The following TBL1X variants were observed in gnomAD, a reference collection of about 807,000 sequenced individuals.
TBL1X encodes transducin beta like 1 X-linked.
Under a neutral mutation model 50.7 loss-of-function variants are expected in TBL1X, and 10 were observed. That is an observed-to-expected ratio of 0.20 (90% CI 0.12 to 0.33). The LOEUF (loss-of-function observed/expected upper bound fraction) is 0.33, where lower values mean the gene tolerates loss of function less well. Ranked by LOEUF, TBL1X falls within the 10% of genes least tolerant of loss-of-function variation. The probability of loss-of-function intolerance (pLI) is 1.00; values close to 1 mark genes in which losing one functional copy is unlikely to be tolerated. For synonymous variants in TBL1X, 190 were observed against 214.7 expected, an observed-to-expected ratio of 0.88 and a Z score of 1.01; for missense variants, 340 against 504.4, an observed-to-expected ratio of 0.67 and a Z score of 3.12.
At chrX:9,463,735 A>C (rs997472849), upstream of TBL1X, among the ~76,000 whole-genome samples, 53 of 111,548 alleles carry the variant, frequency 4.8e-4, no homozygotes, top group African/African-American at 1.7e-3. Flanking sequence ...TACTAAAAAT[A>C]CAAAAAAAAT....
At chrX:9,523,482 C>G (rs1224320056) in intron 2 of TBL1X, among the ~76,000 whole-genome samples, 2 of 112,164 alleles carry the variant, frequency 1.8e-5, no homozygotes, top group Non-Finnish European at 3.8e-5. Flanking sequence ...ACGCCACTCA[C>G]ACTGGGTCAT....
intron 1 of TBL1X, among the ~76,000 whole-genome samples, chrX:9,491,325 TATATATATA>T (rs1569205474): frequency 2.2e-4 from 7 of 31,875 alleles, no homozygotes; most frequent in African/African-American, 8.2e-4. Flanking sequence ...TATATATATA[TATATATATA>T]TATATTTTTT....
At chrX:9,517,045 T>C (rs982698799) in intron 2 of TBL1X, among the ~76,000 whole-genome samples, 2 of 111,712 alleles carry the variant, frequency 1.8e-5, no homozygotes, top group Non-Finnish European at 3.8e-5. Context: ...CTGAGTACTA[T>C]ACAGTCTCTG....
intron 2 of TBL1X, among the ~76,000 whole-genome samples, chrX:9,576,125 C>A (rs932142564): frequency 6.2e-5 from 7 of 112,088 alleles, no homozygotes; most frequent in African/African-American, 2.3e-4. Flanking sequence ...ATATTCCCCC[C>A]CCTCCTCCCA....
chrX:9,688,499 G>A (rs925350522), intron 7 of TBL1X, among the ~76,000 whole-genome samples: 5 of 112,257 alleles, frequency 4.5e-5, no homozygotes, highest in African/African-American at 1.6e-4. Context: ...TTAGGAAATC[G>A]TGCTGCGCCT....
chrX:9,523,584 C>G (rs1265656476), intron 2 of TBL1X, among the ~76,000 whole-genome samples: 1 of 112,589 alleles, frequency 8.9e-6, no homozygotes, highest in Non-Finnish European at 1.9e-5. Context: ...TCTTGATGCT[C>G]AAGACTCTCT....
intron 5 of TBL1X, among the ~76,000 whole-genome samples, chrX:9,671,285 G>A (rs772847820): frequency 8.8e-6 from 1 of 113,168 alleles, no homozygotes; most frequent in Non-Finnish European, 1.9e-5. Flanking sequence ...TGGAGTTACA[G>A]AGAAGCTGTT....
At position 9,491,318 on chromosome X, in the gene TBL1X, ATATATATATATATATATATATT is replaced by A. The variant is rs1277438033; in HGVS notation, c.-200-10460_-200-10439del. ...TTGGCCAGTATATTTATATATATATATATATATATATATATATATATTTTTTTTTTTTTTTTCTTTGAGACAG... is the reference window on the plus strand; with the variant it reads ...TTGGCCAGTATATTTATATATATATATTTTTTTTTTTTTTCTTTGAGACAG... On this transcript the variant is annotated intron_variant, in intron 1 of 17. Coordinates refer to ENST00000645353, the MANE Select transcript of TBL1X (RefSeq NM_005647.4). Among the ~76,000 whole-genome samples, 15 of 31,493 alleles carry A rather than the reference ATATATATATATATATATATATT, an allele frequency of 4.8e-4. No homozygotes were observed. In the Admixed American group the frequency reaches 6.1e-3, roughly 13 times the overall value. 27.3% of individuals were successfully genotyped at this position (31,493 alleles called of 115,157 possible).
intron 2 of TBL1X, among the ~76,000 whole-genome samples, chrX:9,529,943 G>C (rs1249226291): frequency 9.1e-6 from 1 of 110,476 alleles, no homozygotes; most frequent in Non-Finnish European, 1.9e-5. Context: ...CTCAAAGAAA[G>C]AAAGAGAGAG....
At chrX:9,622,398 G>A (rs186493233) in intron 2 of TBL1X, among the ~76,000 whole-genome samples, 22 of 110,407 alleles carry the variant, frequency 2.0e-4, no homozygotes, top group African/African-American at 5.6e-4. Context: ...CTTTCATATC[G>A]GGCATATTTC....
intron 2 of TBL1X, among the ~76,000 whole-genome samples, chrX:9,538,218 T>TTTTTCCACTGTCTTCAAAAGCCCGGGTC (rs1490673978): frequency 9.0e-6 from 1 of 111,455 alleles, no homozygotes; most frequent in Non-Finnish European, 1.9e-5. Flanking sequence ...ATGTCTGGGT[T>TTTTTCCACTGTCTTCAAAAGCCCGGGTC]TTTTCCACTG....
intron 2 of TBL1X, among the ~76,000 whole-genome samples, chrX:9,576,324 A>G (rs1203890349): frequency 8.9e-6 from 1 of 112,458 alleles, no homozygotes; most frequent in Non-Finnish European, 1.9e-5. Flanking sequence ...AGGCAGCATA[A>G]CATCTAGGAA....
At chrX:9,627,471 A>G (rs1390082832) in intron 2 of TBL1X, among the ~76,000 whole-genome samples, 1 of 112,194 alleles carries the variant, frequency 8.9e-6, no homozygotes, top group Non-Finnish European at 1.9e-5. Context: ...GTCAGGAAAA[A>G]AGTATCATAG....
At chrX:9,699,132 C>A (rs764039277) in intron 12 of TBL1X, among the ~76,000 whole-genome samples, 1 of 111,700 alleles carries the variant, frequency 9.0e-6, no homozygotes, top group East Asian at 2.8e-4. Context: ...AGGCATGCAC[C>A]ACCAAGCCCA....
intron 2 of TBL1X, among the ~76,000 whole-genome samples, chrX:9,599,012 C>T (rs1416180464): frequency 1.8e-5 from 2 of 109,097 alleles, no homozygotes; most frequent in African/African-American, 6.7e-5. Context: ...GGCGCGATCC[C>T]GGCTCACTGC....
At chrX:9,621,235 C>G (rs748438133) in intron 2 of TBL1X, among the ~76,000 whole-genome samples, 1 of 111,564 alleles carries the variant, frequency 9.0e-6, no homozygotes. Flanking sequence ...AGACTAGATT[C>G]GTTCACTGGA....
intron 1 of TBL1X, among the ~76,000 whole-genome samples, chrX:9,467,547 A>C (rs755072987): frequency 5.3e-5 from 6 of 112,424 alleles, no homozygotes; most frequent in Non-Finnish European, 1.1e-4. Flanking sequence ...GAAGTTGTTA[A>C]TCTTTCACTA....
chrX:9,610,116 A>C (rs1922382407), intron 2 of TBL1X, among the ~76,000 whole-genome samples: 1 of 112,084 alleles, frequency 8.9e-6, no homozygotes, highest in African/African-American at 3.3e-5. Context: ...AGAAGCTAGC[A>C]GATTGATTTT....
rs185176163 is a variant in TBL1X at position 9,516,712 on chromosome X, C to T, written c.-131+14863C>T. On this transcript the variant is annotated intron_variant, in intron 2 of 17. Coordinates refer to ENST00000645353, the MANE Select transcript of TBL1X (RefSeq NM_005647.4). ...TGCTTGGAAATGATTGGAAGCCCAT[C>T]GTTTTAAGTCATTGGAACGACTGTC... Among the ~76,000 whole-genome samples, 3 of 112,205 alleles carry T rather than the reference C, an allele frequency of 2.7e-5. No individual in the cohort carries two copies. The East Asian group carries it at 8.4e-4, about 32-fold the overall frequency.
Sources: gnomAD v4.1 joint callset for allele counts (sites outside exome capture counted in the v4.1 genomes callset) on GRCh38, gnomAD v4.1.1 for gene constraint, MANE v1.5 for transcripts, NCBI Gene and HGNC (gene_info 2026-07-23, HGNC 2026-07-21) for gene names.